The following XYLB variants were observed in gnomAD, a reference collection of about 807,000 sequenced individuals.
XYLB encodes xylulokinase.
XYLB carries 62 observed loss-of-function variants against 78.7 expected under a neutral mutation model. The ratio of observed to expected loss-of-function variants is 0.79; its 90% CI spans 0.64 to 0.97. The LOEUF (loss-of-function observed/expected upper bound fraction) is 0.97. Among genes scored for constraint, XYLB ranks in the 50% least tolerant of loss-of-function variants. XYLB has a pLI of 0.00. For synonymous variants in XYLB, 245 were observed against 247.4 expected (o/e 0.99, Z 0.09); for missense variants, 687 against 676.8 (o/e 1.02, Z -0.17).
chr3:38,393,977 T>C (rs1480340513), intron 15 of XYLB, among the ~76,000 whole-genome samples: 2 of 152,248 alleles, frequency 1.3e-5, no homozygotes, highest in Non-Finnish European at 2.9e-5. Flanking sequence ...TCCTTGCTTT[T>C]CTTTTTAAAA....
At chr3:38,449,127 T>C in the XYLB span, among the ~76,000 whole-genome samples, 2 of 152,162 alleles carry the variant, frequency 1.3e-5, no homozygotes, top group African/African-American at 4.8e-5. Context: ...TAATTAATTA[T>C]TGCTATTTTG....
Position 38,414,092 on chromosome 3 carries a change from CAG to C in XYLB, c.*1081_*1082del, listed in dbSNP as rs1033974748. The C allele has an allele frequency of 1.3e-5, 2 of 152,200 alleles. No individual in the cohort carries two copies. The highest frequency in any genetic ancestry group is 4.8e-5 in the African/African-American group (2 of 41,444). 9.4% of individuals were successfully genotyped at this position (152,200 alleles called of 1,614,324 possible). A position where few individuals can be genotyped will look rare whatever the true frequency, so the allele number is the denominator to read the frequency against. On this transcript the variant is annotated 3_prime_UTR_variant, in exon 19 of 19. Coordinates refer to ENST00000207870, the MANE Select transcript of XYLB (RefSeq NM_005108.4). The stretch of plus-strand genomic sequence containing the variant: ...AAAGTCCTCTGTGATCTGACTCCTG[CAG>C]ACTCTTCCAGATTTTTCTGCCCAAG...
downstream of XYLB, among the ~76,000 whole-genome samples, chr3:38,419,329 G>A (rs759899597): frequency 1.3e-4 from 20 of 151,958 alleles, no homozygotes; most frequent in Non-Finnish European, 2.6e-4. Flanking sequence ...GGACATTTAA[G>A]TTGTTTTCAC....
At chr3:38,421,164 CT>C (rs1022394545), downstream of XYLB, 4 of 152,308 alleles carry the variant, frequency 2.6e-5, no homozygotes, top group African/African-American at 7.2e-5. Flanking sequence ...GCTGTCACCC[CT>C]GATCCCCACT....
chr3:38,386,811 G>C (rs950465633), intron 15 of XYLB, among the ~76,000 whole-genome samples: 9 of 152,138 alleles, frequency 5.9e-5, no homozygotes, highest in African/African-American at 2.2e-4. Flanking sequence ...AAGGAATGTA[G>C]AACATCTATA....
At position 38,348,628 on chromosome 3, in the gene XYLB, T is replaced by C. The variant is rs1705196343; in HGVS notation, c.136T>C (p.Phe46Leu). Residue 46 changes from phenylalanine (F) to leucine (L), a missense_variant, in exon 2 of 19, where the codon TTT becomes CTT. Phe to Leu is a conservative substitution (Grantham distance 22). Coordinates refer to ENST00000207870, the MANE Select transcript of XYLB (RefSeq NM_005108.4). Reference sequence around the variant, plus strand: ...GCATTTTGACAGAGATCTTCCAGAATTTGGGTATGTACTTGATGTGCATGT... The same window carrying C: ...GCATTTTGACAGAGATCTTCCAGAACTTGGGTATGTACTTGATGTGCATGT... ...SVHFDRDLPE[F>L]GTQGGVHVHK... is the part of the protein sequence containing the mutation. The C allele has an allele frequency of 6.2e-7, 1 of 1,614,072 alleles. No homozygotes were observed. Among genetic ancestry groups the C allele is most frequent in the African/African-American group, 1.3e-5 (1 of 74,924 alleles).
chr3:38,395,925 A>C (rs1420710610), intron 16 of XYLB, among the ~76,000 whole-genome samples: 1 of 152,210 alleles, frequency 6.6e-6, no homozygotes, highest in South Asian at 2.1e-4. Flanking sequence ...TTCTCCAACC[A>C]GTCCTCTTAT....
chr3:38,440,662 C>T, the XYLB span, among the ~76,000 whole-genome samples: 9,310 of 152,196 alleles, frequency 0.061, 456 homozygotes, highest in East Asian at 0.19. Flanking sequence ...TTTTGGGCTA[C>T]GCTCTTGGTT....
chr3:38,401,021 A>G (rs1028373892), intron 18 of XYLB, 36 bp downstream of exon 18: 1 of 1,593,540 alleles, frequency 6.3e-7, no homozygotes, highest in Admixed American at 1.7e-5. Context: ...TAGCATTTGC[A>G]TTATGAAAGC....
chr3:38,364,409 C>T (rs563797994), intron 4 of XYLB, among the ~76,000 whole-genome samples: 10 of 152,090 alleles, frequency 6.6e-5, no homozygotes, highest in East Asian at 3.9e-4. Context: ...GCTCTGTGCA[C>T]GCTGCTCCCC....
chr3:38,452,566 T>A, the XYLB span: 1 of 151,942 alleles, frequency 6.6e-6, no homozygotes, highest in African/African-American at 2.4e-5. Flanking sequence ...TCCTACCGAG[T>A]AGTTGGAATT....
downstream of XYLB, among the ~76,000 whole-genome samples, chr3:38,416,472 T>G (rs1708797981): frequency 6.6e-6 from 1 of 152,168 alleles, no homozygotes; most frequent in African/African-American, 2.4e-5. Context: ...ACAGTAAATA[T>G]ATTAAGTCCA....
At chr3:38,406,408 A>C (rs1708324361) in intron 18 of XYLB, among the ~76,000 whole-genome samples, 1 of 152,260 alleles carries the variant, frequency 6.6e-6, no homozygotes, top group African/African-American at 2.4e-5. Flanking sequence ...TCAGAGACCA[A>C]AAGTAGATAA....
In XYLB at chr3:38,398,999, C is replaced by T. The variant is rs376556563; in HGVS notation, c.1438+1840C>T. Among the ~76,000 whole-genome samples the T allele has an allele frequency of 1.3e-4, 20 of 151,946 alleles. No homozygotes were observed. The South Asian group carries it at 2.5e-3, about 19-fold the overall frequency. Reference sequence around the variant, plus strand: ...GTGAGCTGTTGCAGTGAGCCGAGATCGCACCACTGCACTCCAGCCTGGCAA... The same window carrying T: ...GTGAGCTGTTGCAGTGAGCCGAGATTGCACCACTGCACTCCAGCCTGGCAA... On this transcript the variant is annotated intron_variant, in intron 17 of 18. Coordinates refer to ENST00000207870, the MANE Select transcript of XYLB (RefSeq NM_005108.4).
At chr3:38,432,714 T>G in the XYLB span, among the ~76,000 whole-genome samples, 1 of 152,388 alleles carries the variant, frequency 6.6e-6, no homozygotes, top group Non-Finnish European at 1.5e-5. Context: ...CTTAAAGCTC[T>G]GAAATAATCT....
chr3:38,391,291 T>TTCCACTGTATCCTCA (rs1204628789), intron 15 of XYLB, among the ~76,000 whole-genome samples: 1 of 152,164 alleles, frequency 6.6e-6, no homozygotes, highest in Non-Finnish European at 1.5e-5. Context: ...TGTGCTCCTC[T>TTCCACTGTATCCTCA]TCCACTGTAT....
the XYLB span, among the ~76,000 whole-genome samples, chr3:38,440,262 TG>T: frequency 1.3e-5 from 2 of 152,214 alleles, no homozygotes; most frequent in Non-Finnish European, 2.9e-5. Context: ...CTTGTAAGTT[TG>T]GGATTTCAAT....
chr3:38,447,493 T>TC, the XYLB span, among the ~76,000 whole-genome samples: 1 of 126,116 alleles, frequency 7.9e-6, no homozygotes, highest in African/African-American at 2.7e-5. Context: ...TTTTTTTTTT[T>TC]TGTAGATACA....
chr3:38,421,411 A>G (rs1247169958), downstream of XYLB: 1 of 152,308 alleles, frequency 6.6e-6, no homozygotes, highest in Admixed American at 6.5e-5. Context: ...TAACAATGGG[A>G]CAAGGGTCGA....
Sources: gnomAD v4.1 joint callset for allele counts (sites outside exome capture counted in the v4.1 genomes callset) on GRCh38, gnomAD v4.1.1 for gene constraint, MANE v1.5 for transcripts, NCBI Gene and HGNC (gene_info 2026-07-23, HGNC 2026-07-21) for gene names.